Variants in RTN4 observed in about 807,000 individuals in gnomAD.
RTN4 encodes reticulon 4.
RTN4 carries 32 observed loss-of-function variants against 90.4 expected under a neutral mutation model. The observed-to-expected ratio is 0.35, with a 90% confidence interval of 0.27 to 0.48. The LOEUF (loss-of-function observed/expected upper bound fraction) is 0.48. Among genes scored for constraint, RTN4 ranks in the 20% least tolerant of loss-of-function variants. The pLI is 0.99. For synonymous variants in RTN4, 629 were observed against 552.5 expected, an observed-to-expected ratio of 1.14 and a Z score of -1.94; for missense variants, 1,706 against 1,430.2, an observed-to-expected ratio of 1.19 and a Z score of -3.11.
At chr2:55,037,232 TC>T (rs756728019) in intron 1 of RTN4, among the ~76,000 whole-genome samples, 7 of 152,200 alleles carry the variant, frequency 4.6e-5, no homozygotes, top group African/African-American at 7.2e-5. Context: ...TTACAGATGA[TC>T]TAAACAACAG....
intron 2 of RTN4, among the ~76,000 whole-genome samples, chr2:55,056,099 C>CA (rs1420390617): frequency 2.0e-5 from 3 of 151,790 alleles, no homozygotes; most frequent in Non-Finnish European, 4.4e-5. Context: ...AGCTGCAGTT[C>CA]AAAAATATTA....
At chr2:55,083,824 C>A (rs56153341) in intron 1 of RTN4, among the ~76,000 whole-genome samples, 2,786 of 152,286 alleles carry the variant, frequency 0.018, 88 homozygotes, top group African/African-American at 0.064. Flanking sequence ...GGTCTGACCC[C>A]AGTTCCTGGC....
intron 2 of RTN4, among the ~76,000 whole-genome samples, chr2:55,067,395 G>C (rs1668413813): frequency 6.7e-6 from 1 of 150,124 alleles, no homozygotes; most frequent in South Asian, 2.1e-4. Context: ...GATCAACTTT[G>C]CAGTAACCAT....
chr2:55,106,892 A>G (rs1178466660), intron 1 of RTN4, among the ~76,000 whole-genome samples: 2 of 152,202 alleles, frequency 1.3e-5, no homozygotes, highest in Admixed American at 6.5e-5. Context: ...AAGAAAGTGA[A>G]CCAAAAGACA....
intron 3 of RTN4, among the ~76,000 whole-genome samples, chr2:55,004,853 AG>A (rs375703530): frequency 1.8e-4 from 27 of 152,208 alleles, no homozygotes; most frequent in African/African-American, 6.3e-4. Flanking sequence ...CCCTTCCCTT[AG>A]GGGGGAAAAA....
upstream of RTN4, among the ~76,000 whole-genome samples, chr2:55,052,629 T>G (rs1668116933): frequency 6.6e-6 from 1 of 152,154 alleles, no homozygotes; most frequent in Admixed American, 6.6e-5. Flanking sequence ...GCCAAATGAA[T>G]TTAAACAAAA....
intron 2 of RTN4, among the ~76,000 whole-genome samples, chr2:55,064,509 C>T (rs933619902): frequency 1.3e-5 from 2 of 152,040 alleles, no homozygotes; most frequent in African/African-American, 4.8e-5. Flanking sequence ...TGCCACGACA[C>T]CCAGCTAATT....
rs375296181 is a variant in RTN4 at position 54,994,967 on chromosome 2, G to C, written c.3014-7269C>G. Among the ~76,000 whole-genome samples, 5 of 152,190 alleles carry C rather than the reference G, an allele frequency of 3.3e-5. No individual in the cohort carries two copies. In the East Asian group the frequency reaches 7.7e-4, roughly 24 times the overall value. The stretch of plus-strand genomic sequence containing the variant: ...CATCATCATATTCTAAATAAAGGTC[G>C]GGCGCAGTGGCTCACGCCTGTAATC... On this transcript the variant is annotated intron_variant, in intron 3 of 8. Coordinates refer to ENST00000337526, the MANE Select transcript of RTN4 (RefSeq NM_020532.5).
chr2:54,999,295 A>C (rs1035639370), intron 3 of RTN4, among the ~76,000 whole-genome samples: 3 of 152,204 alleles, frequency 2.0e-5, no homozygotes, highest in Admixed American at 6.5e-5. Context: ...AGCTGCCTAC[A>C]TTTGGTAATC....
intron 1 of RTN4, among the ~76,000 whole-genome samples, chr2:55,034,272 A>G (rs1682527129): frequency 1.3e-5 from 2 of 152,266 alleles, no homozygotes; most frequent in Non-Finnish European, 2.9e-5. Context: ...AGGCTGGGGT[A>G]GGAGGATTGC....
intron 3 of RTN4, among the ~76,000 whole-genome samples, chr2:55,000,678 T>C (rs974656431): frequency 6.6e-6 from 1 of 152,178 alleles, no homozygotes; most frequent in Non-Finnish European, 1.5e-5. Flanking sequence ...GTTAAATAAA[T>C]TGTGTAGGGT....
At chr2:55,043,649 A>T (rs6759119) in intron 1 of RTN4, among the ~76,000 whole-genome samples, 1 of 152,164 alleles carries the variant, frequency 6.6e-6, no homozygotes, top group Admixed American at 6.5e-5. Context: ...ATTGTGGGAC[A>T]CCGAGGCAGG....
intron 4 of RTN4, among the ~76,000 whole-genome samples, chr2:54,983,466 G>A (rs541426858): frequency 6.6e-6 from 1 of 152,122 alleles, no homozygotes. Context: ...CAGAAGTGCT[G>A]AGTGTTCCCT....
At chr2:55,078,074 A>G (rs1489610515) in intron 2 of RTN4, among the ~76,000 whole-genome samples, 1 of 152,076 alleles carries the variant, frequency 6.6e-6, no homozygotes, top group Non-Finnish European at 1.5e-5. Context: ...CATTGAGTAC[A>G]GTGTATAGTG....
intron 4 of RTN4, among the ~76,000 whole-genome samples, chr2:54,987,154 TA>T (rs572906861): frequency 1.3e-3 from 198 of 152,140 alleles, no homozygotes; most frequent in African/African-American, 4.5e-3. Flanking sequence ...TCAGACAGCA[TA>T]AAAAGCAATA....
intron 1 of RTN4, among the ~76,000 whole-genome samples, chr2:55,109,812 G>C (rs1026535261): frequency 6.6e-6 from 1 of 152,078 alleles, no homozygotes; most frequent in Non-Finnish European, 1.5e-5. Flanking sequence ...CTAAATATTT[G>C]AAAAAGGGAA....
chr2:55,041,774 G>A (rs1418876699), intron 1 of RTN4, among the ~76,000 whole-genome samples: 1 of 151,662 alleles, frequency 6.6e-6, no homozygotes, highest in South Asian at 2.1e-4. Flanking sequence ...TAAACATGGG[G>A]GAAAATTTTT....
At chr2:55,028,720 G>A (rs963515482) in intron 1 of RTN4, among the ~76,000 whole-genome samples, 2 of 152,004 alleles carry the variant, frequency 1.3e-5, no homozygotes, top group African/African-American at 2.4e-5. Context: ...AGTTGTTACA[G>A]TCATTGTACA....
Position 54,973,129 on chromosome 2 carries a change from A to AACTC in RTN4, c.*23_*26dup. ...CAAATGAATATCCCCTTTAAAGATGAACTCCTACTAATTATTTTGGGCGTT... is the reference window on the plus strand; with the variant it reads ...CAAATGAATATCCCCTTTAAAGATGAACTCACTCCTACTAATTATTTTGGGCGTT... On this transcript the variant is annotated 3_prime_UTR_variant, in exon 9 of 9. Coordinates refer to ENST00000337526, the MANE Select transcript of RTN4 (RefSeq NM_020532.5). The AACTC allele has an allele frequency of 6.3e-7, 1 of 1,589,630 alleles. No individual in the cohort carries two copies. The highest frequency in any genetic ancestry group is 8.6e-7 in the Non-Finnish European group (1 of 1,159,832).
Sources: gnomAD v4.1 joint callset for allele counts (sites outside exome capture counted in the v4.1 genomes callset) on GRCh38, gnomAD v4.1.1 for gene constraint, MANE v1.5 for transcripts, NCBI Gene and HGNC (gene_info 2026-07-23, HGNC 2026-07-21) for gene names.